The following RTN3 variants were observed in gnomAD, a reference collection of about 807,000 sequenced individuals.
RTN3 encodes the protein reticulon-3.
Under a neutral mutation model 77.8 loss-of-function variants are expected in RTN3, and 49 were observed. That is an observed-to-expected ratio of 0.63 (90% CI 0.50 to 0.80). The LOEUF (loss-of-function observed/expected upper bound fraction) is 0.80. Ranked by LOEUF, RTN3 falls within the 30% of genes least tolerant of loss-of-function variation. The probability of loss-of-function intolerance (pLI) is 0.00; values close to 1 mark genes in which losing one functional copy is unlikely to be tolerated. For synonymous variants in RTN3, 464 were observed against 446.9 expected (o/e 1.04, Z -0.48); for missense variants, 1,236 against 1,211.9 (o/e 1.02, Z -0.29).
chr11:63,729,744 G>C (rs767959752), intron 3 of RTN3, among the ~76,000 whole-genome samples: 4 of 151,852 alleles, frequency 2.6e-5, no homozygotes, highest in Non-Finnish European at 4.4e-5. Context: ...ATAGGCATGA[G>C]CCACTATGCC....
chr11:63,732,512 A>T (rs1022517086), intron 3 of RTN3, among the ~76,000 whole-genome samples: 6 of 152,014 alleles, frequency 3.9e-5, no homozygotes, highest in Non-Finnish European at 8.8e-5. Flanking sequence ...AAAAAAGCAC[A>T]GATTACCAAT....
In RTN3 at chr11:63,759,790, G is replaced by A. The variant is rs1190716962; in HGVS notation, c.*1589G>A. 7 of 149,930 alleles carry A rather than the reference G, an allele frequency of 4.7e-5. No homozygotes were observed. Among genetic ancestry groups the A allele is most frequent in the Non-Finnish European group, 7.4e-5 (5 of 67,730 alleles). The allele number at this position is 149,930 out of a possible 1,614,324, so 9.3% of individuals were successfully genotyped here. On this transcript the variant is annotated 3_prime_UTR_variant, in exon 9 of 9. Transcript: ENST00000377819. ...TGAAACTGTGTGTACGTGTCTGTGC[G>A]TGCAACATAAAAATACAGTAGCACC...
At chr11:63,700,911 G>A (rs1327532873) in intron 1 of RTN3, among the ~76,000 whole-genome samples, 1 of 151,580 alleles carries the variant, frequency 6.6e-6, no homozygotes, top group Non-Finnish European at 1.5e-5. Context: ...CCAACATGGT[G>A]AAACCCTGTC....
chr11:63,758,007 G>C, intron 8 of RTN3, 149 bp from the exon 9 acceptor site: 1 of 614,508 alleles, frequency 1.6e-6, no homozygotes, highest in Non-Finnish European at 2.9e-6. Flanking sequence ...GGGATTACAC[G>C]CGTGAGCCAC....
At position 63,720,758 on chromosome 11, in the gene RTN3, T is replaced by C. The variant is rs746152677; in HGVS notation, c.2256T>C (p.Gly752=). 5 of 1,614,108 alleles carry C rather than the reference T, an allele frequency of 3.1e-6. No individual in the cohort carries two copies. The Admixed American group carries it at 6.7e-5, about 22-fold the overall frequency. ...CAATTAAGGCTCTTAAAGAATTAGG[T>C]GAAAGACAGGTTGAGAAGTCAACTT... ...QLTIKALKEL[G]ERQVEKSTSA... is the part of the protein sequence containing the mutation. Residue 752 remains glycine, a synonymous_variant, in exon 3 of 9, where the codon GGT becomes GGC. Transcript: ENST00000377819.
In RTN3 at chr11:63,731,908, C is replaced by T. The variant is rs2012718253; in HGVS notation, c.2530+10876C>T. On this transcript the variant is annotated intron_variant, in intron 3 of 8. Coordinates refer to ENST00000377819, the MANE Select transcript of RTN3 (RefSeq NM_001265589.2). ...CCTTGTGATCCGTCCACGTTGGCCT[C>T]CCAAAGTGCTGGGATTACAGGCTTG... Among the ~76,000 whole-genome samples the T allele has an allele frequency of 1.3e-5, 2 of 152,160 alleles. 1 individual carries two copies. The highest frequency in any genetic ancestry group is 4.1e-4 in the South Asian group (2 of 4,830).
chr11:63,755,240 A>G (rs1260251141), intron 7 of RTN3, among the ~76,000 whole-genome samples: 1 of 152,182 alleles, frequency 6.6e-6, no homozygotes, highest in African/African-American at 2.4e-5. Flanking sequence ...GTCTCTAAAG[A>G]AAATACTTAC....
intron 1 of RTN3, among the ~76,000 whole-genome samples, chr11:63,698,172 C>T (rs1165391429): frequency 6.6e-6 from 1 of 151,754 alleles, no homozygotes; most frequent in Non-Finnish European, 1.5e-5. Flanking sequence ...CACTCTTGCC[C>T]AGGTGCCATG....
chr11:63,686,352 T>G (rs1941369905), intron 1 of RTN3, among the ~76,000 whole-genome samples: 2 of 151,570 alleles, frequency 1.3e-5, no homozygotes, highest in South Asian at 4.2e-4. Context: ...GCGCCTGTAG[T>G]CCCAGCTACT....
At chr11:63,732,264 T>A (rs938748873) in intron 3 of RTN3, among the ~76,000 whole-genome samples, 3 of 152,134 alleles carry the variant, frequency 2.0e-5, no homozygotes, top group African/African-American at 7.2e-5. Context: ...GCTTCAGCGA[T>A]CCTCCTGCCT....
Position 63,730,257 on chromosome 11 carries a change from G to A in RTN3, c.2530+9225G>A, listed in dbSNP as rs181369760. Reference sequence around the variant, plus strand: ...GCTGGGATCATAGGCGTGAGCCACCGTGCTCGGCCAAAAGATGTTATTTAA... The same window carrying A: ...GCTGGGATCATAGGCGTGAGCCACCATGCTCGGCCAAAAGATGTTATTTAA... On this transcript the variant is annotated intron_variant, in intron 3 of 8. Coordinates refer to ENST00000377819, the MANE Select transcript of RTN3 (RefSeq NM_001265589.2). 5.9e-5 allele frequency among the ~76,000 whole-genome samples: 9 copies of A among 152,296 alleles called. No individual in the cohort carries two copies. In the East Asian group the frequency reaches 1.3e-3, roughly 23 times the overall value.
At chr11:63,736,199 G>T (rs2013108224) in intron 3 of RTN3, among the ~76,000 whole-genome samples, 1 of 152,082 alleles carries the variant, frequency 6.6e-6, no homozygotes, top group Non-Finnish European at 1.5e-5. Flanking sequence ...CTCCCTGGAT[G>T]TCAGCTGGGG....
intron 7 of RTN3, among the ~76,000 whole-genome samples, chr11:63,754,323 G>T (rs931102281): frequency 1.3e-5 from 2 of 152,146 alleles, no homozygotes; most frequent in East Asian, 3.9e-4. Context: ...GGGGGCCGAG[G>T]CAGGCAGATC....
intron 3 of RTN3, among the ~76,000 whole-genome samples, chr11:63,722,362 G>A (rs551251814): frequency 6.6e-6 from 1 of 152,200 alleles, no homozygotes; most frequent in Admixed American, 6.5e-5. Context: ...TTTCTTACTG[G>A]AAACTGTAGG....
chr11:63,689,416 T>C (rs1026730392), intron 1 of RTN3, among the ~76,000 whole-genome samples: 18 of 152,194 alleles, frequency 1.2e-4, no homozygotes, highest in African/African-American at 4.1e-4. Context: ...TAAATAAGTT[T>C]AGCTGTAATC....
chr11:63,747,563 T>C (rs2013870163), intron 3 of RTN3, among the ~76,000 whole-genome samples: 1 of 152,184 alleles, frequency 6.6e-6, no homozygotes, highest in African/African-American at 2.4e-5. Context: ...TTACTTCTTA[T>C]ATACAATCAG....
intron 2 of RTN3, among the ~76,000 whole-genome samples, chr11:63,707,797 C>G (rs1489820392): frequency 6.6e-6 from 1 of 152,152 alleles, no homozygotes; most frequent in Non-Finnish European, 1.5e-5. Flanking sequence ...TCACGCTATT[C>G]ATTGCACTCC....
At chr11:63,732,076 G>A (rs191031074) in intron 3 of RTN3, among the ~76,000 whole-genome samples, 7 of 152,108 alleles carry the variant, frequency 4.6e-5, no homozygotes, top group African/African-American at 1.2e-4. Context: ...GAAAAAAAAA[G>A]AGCTGAAATC....
At chr11:63,694,858 A>C (rs542693907) in intron 1 of RTN3, among the ~76,000 whole-genome samples, 1 of 152,198 alleles carries the variant, frequency 6.6e-6, no homozygotes, top group Non-Finnish European at 1.5e-5. Flanking sequence ...CTTAGATTGC[A>C]TATGCATTTA....
Sources: gnomAD v4.1 joint callset for allele counts (sites outside exome capture counted in the v4.1 genomes callset) on GRCh38, gnomAD v4.1.1 for gene constraint, MANE v1.5 for transcripts, NCBI Gene and HGNC (gene_info 2026-07-23, HGNC 2026-07-21) for gene names.